VTI1A: variants seen among roughly 807,000 people sequenced by gnomAD.
VTI1A encodes vesicle transport through interaction with t-SNAREs homolog 1A.
In VTI1A, 22 loss-of-function variants were observed where a neutral mutation model predicts 34.9. The observed-to-expected ratio is 0.63, with a 90% confidence interval of 0.45 to 0.90. The LOEUF (loss-of-function observed/expected upper bound fraction) is 0.90. Ranked by LOEUF, VTI1A falls within the 40% of genes least tolerant of loss-of-function variation. The pLI is 0.00. For synonymous variants in VTI1A, 87 were observed against 97.3 expected, an observed-to-expected ratio of 0.89 and a Z score of 0.62; for missense variants, 268 against 275.6, an observed-to-expected ratio of 0.97 and a Z score of 0.20.
At chr10:112,471,021 G>A (rs1184113952) in intron 3 of VTI1A, among the ~76,000 whole-genome samples, 2 of 152,110 alleles carry the variant, frequency 1.3e-5, no homozygotes, top group African/African-American at 2.4e-5. Context: ...TGCATTTGCT[G>A]TTTACTTAAC....
rs550519977 is a variant in VTI1A at position 112,654,653 on chromosome 10, C to T, written c.428-13565C>T. 4.7e-4 allele frequency among the ~76,000 whole-genome samples: 72 copies of T among 152,162 alleles called. 1 individual carries two copies. Among genetic ancestry groups the T allele is most frequent in the Non-Finnish European group, 7.1e-4 (48 of 68,010 alleles). ...GACTACAGGCACCCACCACCACACC[C>T]GGCTAATTTTTTTGTATTTTTAGTA... On this transcript the variant is annotated intron_variant, in intron 5 of 7. Coordinates refer to ENST00000393077, the MANE Select transcript of VTI1A (RefSeq NM_145206.4).
chr10:112,549,472 G>A (rs1474092869), intron 5 of VTI1A, among the ~76,000 whole-genome samples: 2 of 152,152 alleles, frequency 1.3e-5, no homozygotes, highest in East Asian at 3.9e-4. Context: ...AGGCACTATG[G>A]TGTCCAAATT....
chr10:112,683,874 C>T (rs1848306083), intron 7 of VTI1A, among the ~76,000 whole-genome samples: 1 of 152,114 alleles, frequency 6.6e-6, no homozygotes, highest in African/African-American at 2.4e-5. Context: ...GAAACCCTGC[C>T]TCCACTAAAA....
intron 7 of VTI1A, among the ~76,000 whole-genome samples, chr10:112,808,129 G>A (rs532830697): frequency 1.1e-4 from 16 of 151,814 alleles, no homozygotes; most frequent in Non-Finnish European, 2.2e-4. Context: ...GAGGTGGGAC[G>A]ATCACTTGAG....
At chr10:112,460,234 C>T (rs1286806825) in intron 1 of VTI1A, among the ~76,000 whole-genome samples, 1 of 152,134 alleles carries the variant, frequency 6.6e-6, no homozygotes, top group African/African-American at 2.4e-5. Context: ...CTCTTGTTGA[C>T]TTAGTCTCTC....
chr10:112,740,145 A>G (rs1192644563), intron 7 of VTI1A, among the ~76,000 whole-genome samples: 2 of 152,214 alleles, frequency 1.3e-5, no homozygotes, highest in Admixed American at 6.5e-5. Context: ...CCTCCGAGCC[A>G]TCATCTTGTA....
intron 7 of VTI1A, among the ~76,000 whole-genome samples, chr10:112,700,117 C>CAAAAA (rs1201699870): frequency 6.8e-3 from 254 of 37,084 alleles, no homozygotes; most frequent in Non-Finnish European, 0.011. Flanking sequence ...GACTCCATCT[C>CAAAAA]AAAAAAAAAA....
chr10:112,560,731 G>GGACT (rs1353608941), intron 5 of VTI1A, among the ~76,000 whole-genome samples: 1 of 151,668 alleles, frequency 6.6e-6, no homozygotes, highest in Admixed American at 6.6e-5. Flanking sequence ...CGAGTAGCTG[G>GGACT]GACTACAGGC....
chr10:112,502,291 C>A (rs1030200714), intron 3 of VTI1A, among the ~76,000 whole-genome samples: 1 of 151,998 alleles, frequency 6.6e-6, no homozygotes, highest in African/African-American at 2.4e-5. Context: ...ACTTTGTCCT[C>A]CCAAAGTGTT....
intron 5 of VTI1A, among the ~76,000 whole-genome samples, chr10:112,641,923 C>T (rs766246333): frequency 6.6e-6 from 1 of 152,122 alleles, no homozygotes; most frequent in Non-Finnish European, 1.5e-5. Context: ...TGTGAGTGAC[C>T]GGAAACAGGG....
chr10:112,635,683 G>A (rs891358380), intron 5 of VTI1A, among the ~76,000 whole-genome samples: 2 of 152,176 alleles, frequency 1.3e-5, no homozygotes, highest in African/African-American at 4.8e-5. Flanking sequence ...AAAGAAACAA[G>A]TATGAGAGAT....
chr10:112,769,485 A>G (rs896786558), intron 7 of VTI1A, among the ~76,000 whole-genome samples: 4 of 152,186 alleles, frequency 2.6e-5, no homozygotes, highest in Admixed American at 6.5e-5. Context: ...GAATTTCCCT[A>G]TCTTCATGTC....
chr10:112,729,555 T>C (rs1318619970), intron 7 of VTI1A, among the ~76,000 whole-genome samples: 5 of 152,224 alleles, frequency 3.3e-5, no homozygotes, highest in Non-Finnish European at 2.9e-5. Flanking sequence ...TAGCTCTGTG[T>C]AGAATCTTAG....
intron 5 of VTI1A, among the ~76,000 whole-genome samples, chr10:112,589,162 G>T (rs1844280764): frequency 6.6e-6 from 1 of 151,850 alleles, no homozygotes; most frequent in African/African-American, 2.4e-5. Flanking sequence ...TAATACATGG[G>T]GGGTGATATG....
At chr10:112,846,987 T>C in the VTI1A span, among the ~76,000 whole-genome samples, 1 of 152,196 alleles carries the variant, frequency 6.6e-6, no homozygotes, top group African/African-American at 2.4e-5. Flanking sequence ...TTTAGACTTC[T>C]GACCTCCAGA....
At chr10:112,531,097 A>G (rs1477865261) in intron 4 of VTI1A, among the ~76,000 whole-genome samples, 1 of 147,382 alleles carries the variant, frequency 6.8e-6, no homozygotes, top group African/African-American at 2.6e-5. Flanking sequence ...ACACACACAC[A>G]CACACACGTG....
intron 5 of VTI1A, among the ~76,000 whole-genome samples, chr10:112,545,830 C>T (rs1001121256): frequency 1.4e-4 from 21 of 151,372 alleles, no homozygotes; most frequent in African/African-American, 1.7e-4. Flanking sequence ...TGTGTGTGTG[C>T]GCACGCGTGC....
intron 1 of VTI1A, among the ~76,000 whole-genome samples, chr10:112,454,319 C>T (rs981999699): frequency 5.9e-5 from 9 of 152,094 alleles, no homozygotes; most frequent in East Asian, 1.9e-4. Flanking sequence ...CTTGTTTGTA[C>T]GTCAGCACTA....
chr10:112,496,992 A>T (rs924186630), intron 3 of VTI1A, among the ~76,000 whole-genome samples: 2 of 151,658 alleles, frequency 1.3e-5, no homozygotes, highest in Non-Finnish European at 2.9e-5. Context: ...GAAGGGAAAC[A>T]TATGAGGACA....
Sources: allele counts gnomAD v4.1 joint callset (sites outside exome capture counted in the v4.1 genomes callset), GRCh38; gene constraint gnomAD v4.1.1; transcripts MANE v1.5; gene names NCBI Gene and HGNC (gene_info 2026-07-23, HGNC 2026-07-21).